Variants in PDILT observed in about 807,000 individuals in gnomAD.
The protein encoded by PDILT is protein disulfide isomerase like, testis expressed, also known as protein disulfide-isomerase-like protein of the testis.
Under a neutral mutation model 53.7 loss-of-function variants are expected in PDILT, and 43 were observed. That is an observed-to-expected ratio of 0.80 (90% CI 0.63 to 1.03). The LOEUF (loss-of-function observed/expected upper bound fraction) is 1.03, where lower values mean the gene tolerates loss of function less well. Among genes scored for constraint, PDILT ranks in the 50% least tolerant of loss-of-function variants. The pLI, the probability that PDILT is intolerant of heterozygous loss-of-function variation, is 0.00. For missense variants in PDILT, 727 were observed against 712.3 expected (o/e 1.02, Z -0.24); for synonymous variants, 282 against 274.2 (o/e 1.03, Z -0.28).
chr16:20,359,505 C>T lies in PDILT; in HGVS notation c.1569G>A (p.Val523=), dbSNP rs1966066771. The stretch of plus-strand genomic sequence containing the variant: ...CAGGTAACCCTTTCCTCATCATAGG[C>T]ACCTCCTTTTCCTCAGCTAGCACTT... ...EEEVLAEEKE[V]PMMRKGLPEQ... The change falls in exon 12 of 12, where the codon GTG becomes GTA. Residue 523 remains valine (V), a synonymous_variant. Transcript: ENST00000302451. The T allele has an allele frequency of 7.4e-6, 12 of 1,613,990 alleles. No homozygotes were observed. In the African/African-American group the frequency reaches 9.3e-5, roughly 13 times the overall value.
chr16:20,360,477 G>A (rs1310157455), intron 11 of PDILT, 91 bp downstream of exon 11: 13 of 1,191,432 alleles, frequency 1.1e-5, no homozygotes, highest in Non-Finnish European at 5.0e-6. Context: ...CCAAGATTAT[G>A]GAACTCCAGC....
rs769750254 is a variant in PDILT at position 20,362,397 on chromosome 16, C to A, written c.1416+7G>T. 3 of 1,613,404 alleles carry A rather than the reference C, an allele frequency of 1.9e-6. No homozygotes were observed. The highest frequency in any genetic ancestry group is 2.5e-6 in the Non-Finnish European group (3 of 1,179,642). On this transcript the variant is annotated splice_region_variant and intron_variant, in intron 10 of 11. Transcript: ENST00000302451. ...TTTCAGCCATGTGCGTCCCAAGAGCCCCTCACTTGTTGAGAGCCGCTGGGG... is the reference window on the plus strand; with the variant it reads ...TTTCAGCCATGTGCGTCCCAAGAGCACCTCACTTGTTGAGAGCCGCTGGGG...
chr16:20,378,144 T>A (rs1265300194), intron 3 of PDILT, among the ~76,000 whole-genome samples: 1 of 152,208 alleles, frequency 6.6e-6, no homozygotes, highest in Non-Finnish European at 1.5e-5. Context: ...TTCGTTATAT[T>A]TGTTTTATTT....
chr16:20,374,524 T>G (rs1441379746), intron 5 of PDILT, among the ~76,000 whole-genome samples: 1 of 152,170 alleles, frequency 6.6e-6, no homozygotes, highest in Non-Finnish European at 1.5e-5. Flanking sequence ...GATGTGTGTA[T>G]AGCATAGATG....
intron 5 of PDILT, among the ~76,000 whole-genome samples, chr16:20,374,315 T>A (rs953553948): frequency 6.6e-6 from 1 of 151,876 alleles, no homozygotes; most frequent in Non-Finnish European, 1.5e-5. Flanking sequence ...GAGAGGGAAG[T>A]GTTAGGATGT....
At chr16:20,391,753 G>A (rs758757034) in intron 2 of PDILT, among the ~76,000 whole-genome samples, 21 of 151,862 alleles carry the variant, frequency 1.4e-4, no homozygotes, top group Non-Finnish European at 2.6e-4. Flanking sequence ...ACCATATAGC[G>A]AATGCTGAGA....
chr16:20,363,781 A>G (rs988313494), intron 9 of PDILT, among the ~76,000 whole-genome samples: 1 of 152,138 alleles, frequency 6.6e-6, no homozygotes, highest in Non-Finnish European at 1.5e-5. Flanking sequence ...AAGAAGTGTG[A>G]CAGGTATAAT....
At chr16:20,376,233 A>C (rs1966387667) in intron 3 of PDILT, 32 bp from the exon 4 acceptor site, 1 of 1,611,706 alleles carries the variant, frequency 6.2e-7, no homozygotes. Context: ...TAGATACCAG[A>C]GAAGTTTCCT....
chr16:20,385,942 C>A (rs550313792), intron 2 of PDILT: 1 of 152,302 alleles, frequency 6.6e-6, no homozygotes, highest in Admixed American at 6.5e-5. Context: ...TCTGGTGGAA[C>A]GTCCTGGAGC....
intron 1 of PDILT, among the ~76,000 whole-genome samples, chr16:20,402,496 G>A (rs924667826): frequency 6.6e-5 from 10 of 151,948 alleles, no homozygotes; most frequent in Admixed American, 1.3e-4. Flanking sequence ...ACAGGGTTTC[G>A]CCATGTTGGC....
chr16:20,394,423 T>C (rs1966639017), intron 2 of PDILT, among the ~76,000 whole-genome samples: 1 of 152,136 alleles, frequency 6.6e-6, no homozygotes. Context: ...TATTGTGGGT[T>C]CCCCAGGCCT....
intron 2 of PDILT, 94 bp from the exon 3 acceptor site, chr16:20,384,945 C>T (rs893220596): frequency 4.1e-6 from 5 of 1,206,284 alleles, no homozygotes; most frequent in Middle Eastern, 2.1e-4. Flanking sequence ...CTCCCGGAAC[C>T]TTTCTTGTGC....
intron 1 of PDILT, among the ~76,000 whole-genome samples, chr16:20,403,393 G>A (rs1220838127): frequency 3.3e-5 from 5 of 152,106 alleles, no homozygotes; most frequent in South Asian, 2.1e-4. Context: ...GGGTTTAAGC[G>A]ATTCTCCTGC....
At chr16:20,377,681 G>A (rs997421817) in intron 3 of PDILT, among the ~76,000 whole-genome samples, 6 of 152,146 alleles carry the variant, frequency 3.9e-5, no homozygotes, top group Admixed American at 2.0e-4. Context: ...TGGGCCAGGC[G>A]CAGTGGCTCA....
In PDILT at chr16:20,376,197, C is replaced by G. The variant is rs369609355; in HGVS notation, c.414G>C (p.Val138=). 6.2e-7 allele frequency: 1 copy of G among 1,614,020 alleles called. No homozygotes were observed. Among genetic ancestry groups the G allele is most frequent in the Non-Finnish European group, 8.5e-7 (1 of 1,180,018 alleles). ...AAACGACTAAGGCAGCAGATTCAAC[C>G]ACTCCTGGAGAAAGACACAGTCAAA... ...NRSEPISCKG[V]VESAALVVWL... is the part of the protein sequence containing the mutation. Residue 138 remains valine (V), a synonymous_variant, in exon 4 of 12, where the codon GTG becomes GTC. Coordinates refer to ENST00000302451, the MANE Select transcript of PDILT (RefSeq NM_174924.2).
At chr16:20,392,757 AT>A (rs1966620375) in intron 2 of PDILT, among the ~76,000 whole-genome samples, 1 of 152,192 alleles carries the variant, frequency 6.6e-6, no homozygotes, top group African/African-American at 2.4e-5. Flanking sequence ...GGTTTAAAGT[AT>A]GCATGTTGGT....
At position 20,372,838 on chromosome 16, in the gene PDILT, C is replaced by A; in HGVS notation, c.882G>T (p.Gln294His). The A allele has an allele frequency of 1.2e-6, 2 of 1,614,032 alleles. No homozygotes were observed. The highest frequency in any genetic ancestry group is 1.1e-5 in the South Asian group (1 of 91,076). The change falls in exon 7 of 12, where the codon CAG (glutamine) becomes CAT (histidine). Residue 294 changes from glutamine to histidine, a missense_variant. Transcript: ENST00000302451. The part of the protein sequence containing the change: ...KSSESYGIII[Q>H]HYKLASKEFQ... The stretch of plus-strand genomic sequence containing the variant: ...ATTCCTTTGATGCCAGCTTATAATG[C>A]TGAATTATGATACCATATGACTCGG...
chr16:20,368,857 T>C (rs968093343), intron 8 of PDILT, among the ~76,000 whole-genome samples: 8 of 152,140 alleles, frequency 5.3e-5, no homozygotes, highest in African/African-American at 1.7e-4. Context: ...GTGCTGGGAT[T>C]ACAGGCATGA....
chr16:20,403,889 C>A (rs554659385), intron 1 of PDILT, among the ~76,000 whole-genome samples: 9 of 152,166 alleles, frequency 5.9e-5, no homozygotes, highest in Admixed American at 2.0e-4. Context: ...TCCCTCACAT[C>A]GTCAGCCTTT....
Sources: gnomAD v4.1 joint callset for allele counts (sites outside exome capture counted in the v4.1 genomes callset) on GRCh38, gnomAD v4.1.1 for gene constraint, MANE v1.5 for transcripts, NCBI Gene and HGNC (gene_info 2026-07-23, HGNC 2026-07-21) for gene names.